Variants in GRIN2B observed in about 807,000 individuals in gnomAD.
The protein encoded by GRIN2B is glutamate ionotropic receptor NMDA type subunit 2B, also known as glutamate receptor ionotropic, NMDA 2B.
GRIN2B carries 5 observed loss-of-function variants against 114.5 expected under a neutral mutation model. The ratio of observed to expected loss-of-function variants is 0.04; its 90% CI spans 0.02 to 0.09. The LOEUF is 0.09. GRIN2B is among the 10% of genes least tolerant of loss of function. The probability of loss-of-function intolerance (pLI) is 1.00; values close to 1 mark genes in which losing one functional copy is unlikely to be tolerated. For synonymous variants in GRIN2B, 787 were observed against 745.1 expected (o/e 1.06, Z -0.92); for missense variants, 1,108 against 1,943.5 (o/e 0.57, Z 8.08).
rs116613349 is a variant in GRIN2B at position 13,764,343 on chromosome 12, G to A, written c.412-10428C>T. On this transcript the variant is annotated intron_variant, in intron 3 of 13. Transcript: ENST00000609686. Reference sequence around the variant, plus strand: ...CCTGGAGCCCATCTTGTCCCTCCTTGCTGCAATCAGCACTGCAGCCCAGGC... The same window carrying A: ...CCTGGAGCCCATCTTGTCCCTCCTTACTGCAATCAGCACTGCAGCCCAGGC... Among the ~76,000 whole-genome samples, 233 of 152,210 alleles carry A rather than the reference G, an allele frequency of 1.5e-3. 1 individual carries two copies. The highest frequency in any genetic ancestry group is 5.3e-3 in the African/African-American group (220 of 41,528).
intron 4 of GRIN2B, among the ~76,000 whole-genome samples, chr12:13,710,330 A>G (rs1014003795): frequency 2.2e-4 from 34 of 152,090 alleles, no homozygotes; most frequent in Admixed American, 9.8e-4. Flanking sequence ...AGACAGGGAT[A>G]CCCTCTCTCA....
intron 4 of GRIN2B, among the ~76,000 whole-genome samples, chr12:13,717,063 A>ATG (rs1565511454): frequency 4.3e-4 from 32 of 75,188 alleles, no homozygotes; most frequent in African/African-American, 1.6e-3. Flanking sequence ...ATCATGCCAT[A>ATG]CGCGTGTGTG....
At chr12:13,952,425 G>T (rs1377570756) in intron 2 of GRIN2B, among the ~76,000 whole-genome samples, 1 of 152,128 alleles carries the variant, frequency 6.6e-6, no homozygotes, top group African/African-American at 2.4e-5. Context: ...TTACAGAAAT[G>T]AAACTAAAAT....
intron 3 of GRIN2B, among the ~76,000 whole-genome samples, chr12:13,844,216 T>G (rs1865431753): frequency 6.6e-6 from 1 of 152,230 alleles, no homozygotes; most frequent in Non-Finnish European, 1.5e-5. Context: ...TTGGTCATAT[T>G]TGGCTTGAAT....
rs1948302496 is a variant in GRIN2B at position 13,543,176 on chromosome 12, C to T, written c.*19607G>A. ...TCCTGGCCTCTCAGTTCCTTGACCC[C>T]TGCTCCTTCTATAACCTTTTCCTCT... On this transcript the variant is annotated 3_prime_UTR_variant, in exon 14 of 14. Coordinates refer to ENST00000609686, the MANE Select transcript of GRIN2B (RefSeq NM_000834.5). The T allele has an allele frequency of 6.6e-6, 1 of 150,400 alleles. No individual in the cohort carries two copies. The highest frequency in any genetic ancestry group is 6.7e-5 in the Admixed American group (1 of 14,968). The allele number at this position is 150,400 out of a possible 1,614,324, so 9.3% of individuals were successfully genotyped here. A position where few individuals can be genotyped will look rare whatever the true frequency, so the allele number is the denominator to read the frequency against.
At chr12:13,918,498 A>T (rs1046642403) in intron 2 of GRIN2B, among the ~76,000 whole-genome samples, 1 of 152,226 alleles carries the variant, frequency 6.6e-6, no homozygotes, top group Non-Finnish European at 1.5e-5. Flanking sequence ...ATGCATTAAT[A>T]AGAGTTTGAT....
intron 2 of GRIN2B, among the ~76,000 whole-genome samples, chr12:13,954,224 C>T (rs936272540): frequency 3.9e-5 from 6 of 152,254 alleles, no homozygotes; most frequent in African/African-American, 1.4e-4. Flanking sequence ...TGATTCTGAA[C>T]GTCTCACCTC....
At chr12:13,768,148 A>T (rs984798438) in intron 3 of GRIN2B, among the ~76,000 whole-genome samples, 4 of 152,050 alleles carry the variant, frequency 2.6e-5, no homozygotes, top group Non-Finnish European at 5.9e-5. Flanking sequence ...TGATATGTCA[A>T]CTCATCATAT....
chr12:13,727,240 T>G (rs1232669800), intron 4 of GRIN2B, among the ~76,000 whole-genome samples: 1 of 152,114 alleles, frequency 6.6e-6, no homozygotes, highest in Non-Finnish European at 1.5e-5. Context: ...CAAGGTAGGG[T>G]GTGGACTGCC....
At chr12:13,733,164 C>T (rs1023913232) in intron 4 of GRIN2B, among the ~76,000 whole-genome samples, 2 of 152,104 alleles carry the variant, frequency 1.3e-5, no homozygotes, top group South Asian at 4.1e-4. Context: ...CATGCCATTC[C>T]CCTGAGTTGG....
chr12:13,841,573 C>T (rs1363180358), intron 3 of GRIN2B, among the ~76,000 whole-genome samples: 2 of 152,100 alleles, frequency 1.3e-5, no homozygotes, highest in African/African-American at 2.4e-5. Flanking sequence ...AGAGCCCTTA[C>T]CTGTCAGGCT....
intron 2 of GRIN2B, among the ~76,000 whole-genome samples, chr12:13,901,743 G>T (rs972830522): frequency 1.3e-5 from 2 of 151,848 alleles, no homozygotes; most frequent in African/African-American, 4.8e-5. Context: ...TAATATAGTT[G>T]AATTTATCAA....
chr12:13,916,706 T>TAC (rs1201964779), intron 2 of GRIN2B, among the ~76,000 whole-genome samples: 1 of 88,512 alleles, frequency 1.1e-5, no homozygotes, highest in African/African-American at 4.0e-5. Flanking sequence ...TCCATACATA[T>TAC]ACATATACAC....
chr12:13,898,084 T>A (rs1866382722), intron 2 of GRIN2B, among the ~76,000 whole-genome samples: 1 of 152,016 alleles, frequency 6.6e-6, no homozygotes, highest in South Asian at 2.1e-4. Context: ...TTATTGTTAA[T>A]GAGGAAAAGA....
At chr12:13,779,209 A>T (rs1427941559) in intron 3 of GRIN2B, among the ~76,000 whole-genome samples, 1 of 151,928 alleles carries the variant, frequency 6.6e-6, no homozygotes, top group East Asian at 1.9e-4. Flanking sequence ...ACACCCAGCT[A>T]ATTTTTGTAT....
At chr12:13,781,136 A>G (rs1316245275) in intron 3 of GRIN2B, among the ~76,000 whole-genome samples, 1 of 152,204 alleles carries the variant, frequency 6.6e-6, no homozygotes, top group Admixed American at 6.5e-5. Context: ...ATTTTAATCA[A>G]TAACTTGGGG....
rs149353128 is a variant in GRIN2B at position 13,686,679 on chromosome 12, T to C, written c.1011-10820A>G. Among the ~76,000 whole-genome samples the C allele has an allele frequency of 2.6e-5, 4 of 152,266 alleles. No individual in the cohort carries two copies. The East Asian group carries it at 7.7e-4, about 29-fold the overall frequency. On this transcript the variant is annotated intron_variant, in intron 4 of 13. Coordinates refer to ENST00000609686, the MANE Select transcript of GRIN2B (RefSeq NM_000834.5). ...AAGTAATTGGCGCCTGATGACCCTA[T>C]TTCCTCCCCAGACTTCACTCCTTAA...
intron 3 of GRIN2B, among the ~76,000 whole-genome samples, chr12:13,813,171 G>A (rs1864765009): frequency 6.6e-6 from 1 of 151,958 alleles, no homozygotes; most frequent in African/African-American, 2.4e-5. Flanking sequence ...AACTCCTGAT[G>A]TGATCCACCC....
intron 2 of GRIN2B, among the ~76,000 whole-genome samples, chr12:13,929,339 T>C (rs1483457043): frequency 2.4e-5 from 1 of 42,502 alleles, no homozygotes; most frequent in Non-Finnish European, 5.5e-5. Flanking sequence ...AAGCAAATAG[T>C]GCTGTTGCTT....
Sources: gnomAD v4.1 joint callset for allele counts (sites outside exome capture counted in the v4.1 genomes callset) on GRCh38, gnomAD v4.1.1 for gene constraint, MANE v1.5 for transcripts, NCBI Gene and HGNC (gene_info 2026-07-23, HGNC 2026-07-21) for gene names.